Variants in MTARC1 observed in about 807,000 individuals in gnomAD.
The protein encoded by MTARC1 is mitochondrial amidoxime-reducing component 1.
In MTARC1, 24 loss-of-function variants were observed where a neutral mutation model predicts 33.6. That is an observed-to-expected ratio of 0.72 (90% confidence interval 0.52 to 1.01). The LOEUF is 1.01. Among genes scored for constraint, MTARC1 ranks in the 50% least tolerant of loss-of-function variants. The probability of loss-of-function intolerance (pLI) is 0.00; values close to 1 mark genes in which losing one functional copy is unlikely to be tolerated. For synonymous variants in MTARC1, 187 were observed against 189.5 expected (o/e 0.99, Z 0.11); for missense variants, 417 against 445.7 (o/e 0.94, Z 0.58).
At chr1:220,806,008 A>T (rs72472340) in intron 6 of MTARC1, among the ~76,000 whole-genome samples, 3 of 152,214 alleles carry the variant, frequency 2.0e-5, no homozygotes, top group African/African-American at 7.2e-5. Flanking sequence ...ACATGAGTAG[A>T]TAAAAGGCTG....
intron 4 of MTARC1, among the ~76,000 whole-genome samples, chr1:220,802,309 C>T (rs559015740): frequency 2.6e-5 from 4 of 152,076 alleles, no homozygotes; most frequent in Non-Finnish European, 5.9e-5. Context: ...GCCCCTACAC[C>T]CTCACCCCAC....
intron 6 of MTARC1, among the ~76,000 whole-genome samples, chr1:220,811,367 T>C (rs531005223): frequency 2.0e-5 from 3 of 152,250 alleles, no homozygotes; most frequent in Non-Finnish European, 2.9e-5. Flanking sequence ...AACATTATTT[T>C]TGAGTGGTTA....
In MTARC1 at chr1:220,797,972, C is replaced by T. The variant is rs1209233836; in HGVS notation, c.711C>T (p.Phe237=). 6.2e-7 allele frequency: 1 copy of T among 1,614,244 alleles called. No individual in the cohort carries two copies. Among genetic ancestry groups the T allele is most frequent in the South Asian group, 1.1e-5 (1 of 91,088 alleles). ...AGAAGAAAGTTAAAGCAACCAACTT[C>T]AGGCCCAATATTGTAATTTCAGGAT... ...RLEKKVKATN[F]RPNIVISGCD... Residue 237 remains phenylalanine, a synonymous_variant, in exon 4 of 7, where the codon TTC becomes TTT. Transcript: ENST00000366910.
chr1:220,791,427 C>G (rs910490485), intron 1 of MTARC1, 64 bp from the exon 2 acceptor site: 4 of 1,546,904 alleles, frequency 2.6e-6, no homozygotes, highest in Non-Finnish European at 3.5e-6. Flanking sequence ...CTAATTGAAG[C>G]TCCTCCAGGG....
chr1:220,800,338 G>A (rs1008698258), intron 4 of MTARC1, among the ~76,000 whole-genome samples: 1 of 152,156 alleles, frequency 6.6e-6, no homozygotes, highest in Non-Finnish European at 1.5e-5. Flanking sequence ...TGTGGCATGC[G>A]CTGTGAATAG....
intron 6 of MTARC1, among the ~76,000 whole-genome samples, chr1:220,806,363 T>G (rs908486853): frequency 1.3e-5 from 2 of 152,226 alleles, no homozygotes; most frequent in Non-Finnish European, 2.9e-5. Flanking sequence ...GGTCCTGACT[T>G]GGCCTCCCCA....
intron 6 of MTARC1, among the ~76,000 whole-genome samples, chr1:220,810,911 C>T (rs528032485): frequency 6.6e-6 from 1 of 152,166 alleles, no homozygotes; most frequent in South Asian, 2.1e-4. Context: ...TGTTACTCCC[C>T]CTGAGACTTA....
At chr1:220,808,894 G>A (rs1673046915) in intron 6 of MTARC1, 3 of 471,144 alleles carry the variant, frequency 6.4e-6, no homozygotes, top group Non-Finnish European at 1.3e-5. Context: ...CATGGTTGAA[G>A]GAATGGCTGG....
intron 6 of MTARC1, among the ~76,000 whole-genome samples, chr1:220,809,247 G>A (rs913294543): frequency 1.3e-5 from 2 of 152,126 alleles, no homozygotes; most frequent in Non-Finnish European, 2.9e-5. Context: ...ACTGGAATAA[G>A]GCAAGATATA....
chr1:220,808,478 A>G (rs984298703), intron 6 of MTARC1, among the ~76,000 whole-genome samples: 2 of 152,272 alleles, frequency 1.3e-5, no homozygotes, highest in Non-Finnish European at 2.9e-5. Context: ...ACAGGTGGTC[A>G]TAAATCGGGA....
At position 220,797,930 on chromosome 1, in the gene MTARC1, T is replaced by G; in HGVS notation, c.669T>G (p.Asp223Glu). 1 of 1,614,210 alleles carries G rather than the reference T, an allele frequency of 6.2e-7. No individual in the cohort carries two copies. Among genetic ancestry groups the G allele is most frequent in the Non-Finnish European group, 8.5e-7 (1 of 1,180,036 alleles). Residue 223 changes from aspartate to glutamate, a missense_variant, in exon 4 of 7, where the codon GAT becomes GAG. Physicochemically the swap from Asp to Glu is conservative, Grantham distance 45. Transcript: ENST00000366910. ...FLILSEASLA[D>E]LNSRLEKKVK... ...TCCTTTCTGAGGCGTCGCTGGCGGA[T>G]CTCAACTCCAGGCTAGAGAAGAAAG...
At chr1:220,804,617 A>C (rs565861129) in intron 4 of MTARC1, among the ~76,000 whole-genome samples, 48 of 152,096 alleles carry the variant, frequency 3.2e-4, no homozygotes, top group Non-Finnish European at 5.9e-4. Context: ...TCAGTGACTT[A>C]AGGCTCTTGA....
At chr1:220,798,612 T>A in intron 4 of MTARC1, 1 of 974,118 alleles carries the variant, frequency 1.0e-6, no homozygotes, top group Non-Finnish European at 1.2e-6. Flanking sequence ...TAAATGGCCT[T>A]TGGCTATTTA....
rs115745620 is a variant in MTARC1, at chr1:220,813,716, C to T, written c.*298C>T. The T allele has an allele frequency of 3.7e-3, 1,134 of 305,492 alleles. 11 individuals carry two copies. Among genetic ancestry groups the T allele is most frequent in the African/African-American group, 0.022 (1,057 of 47,180 alleles). The allele number at this position is 305,492 out of a possible 1,614,324, so 18.9% of individuals were successfully genotyped here. ...GGAATAGTTCTTTCTCCTGCTTCTC[C>T]GTTTATCTACCAAGAGCGCAGACTT... On this transcript the variant is annotated 3_prime_UTR_variant, in exon 7 of 7. Transcript: ENST00000366910.
At chr1:220,809,833 G>T (rs1157148020) in intron 6 of MTARC1, among the ~76,000 whole-genome samples, 6 of 152,188 alleles carry the variant, frequency 3.9e-5, no homozygotes, top group Admixed American at 3.9e-4. Flanking sequence ...GCAGTCATGA[G>T]GCCTCAGGAA....
chr1:220,809,803 T>C lies in MTARC1; in HGVS notation c.888-3489T>C, dbSNP rs138247019. Reference sequence around the variant, plus strand: ...GGGATTAACAATGCTGTTTAATTCTTAACCTGGCCATAGAGATAGGCAGTC... The same window carrying C: ...GGGATTAACAATGCTGTTTAATTCTCAACCTGGCCATAGAGATAGGCAGTC... On this transcript the variant is annotated intron_variant, in intron 6 of 6. Transcript: ENST00000366910. Among the ~76,000 whole-genome samples the C allele has an allele frequency of 2.0e-3, 300 of 152,352 alleles. 2 individuals carry two copies. The highest frequency in any genetic ancestry group is 5.4e-3 in the African/African-American group (223 of 41,586).
chr1:220,806,452 C>T (rs1317669950), intron 6 of MTARC1, among the ~76,000 whole-genome samples: 1 of 152,210 alleles, frequency 6.6e-6, no homozygotes, highest in African/African-American at 2.4e-5. Context: ...TGTATCCAAA[C>T]CATCATGAAC....
chr1:220,787,081 C>G lies in MTARC1; in HGVS notation c.137C>G (p.Thr46Arg). ...GAVAWRRAWP[T>R]RRRRLLQQVG... is the part of the protein sequence containing the mutation. The stretch of plus-strand genomic sequence containing the variant: ...GTCGCCTGGCGCCGCGCATGGCCCA[C>G]GCGGCGCCGGCGGCTGCTGCAGCAG... The change falls in exon 1 of 7, where the codon ACG becomes AGG. Residue 46 changes from threonine (T) to arginine (R), a missense_variant. By Grantham distance (71) the Thr-to-Arg change is moderately conservative. Coordinates refer to ENST00000366910, the MANE Select transcript of MTARC1 (RefSeq NM_022746.4). 6.7e-7 allele frequency: 1 copy of G among 1,499,946 alleles called. No homozygotes were observed. The highest frequency in any genetic ancestry group is 8.9e-7 in the Non-Finnish European group (1 of 1,128,498). The allele number at this position is 1,499,946 out of a possible 1,614,324, so 92.9% of individuals were successfully genotyped here.
In MTARC1 at chr1:220,805,187, C is replaced by G. The variant is rs776380004; in HGVS notation, c.816-16C>G. On this transcript the variant is annotated splice_polypyrimidine_tract_variant and intron_variant, in intron 5 of 6. Coordinates refer to ENST00000366910, the MANE Select transcript of MTARC1 (RefSeq NM_022746.4). ...TCTGCTCTGTCCCCCTTATGATGCT[C>G]TGTGTGTGTGTCCAGATGCATTTTA... is the stretch of plus-strand genomic sequence containing the variant. 4 of 1,613,914 alleles carry G rather than the reference C, an allele frequency of 2.5e-6. No homozygotes were observed. The highest frequency in any genetic ancestry group is 2.5e-6 in the Non-Finnish European group (3 of 1,180,024).
Sources: gnomAD v4.1 joint callset for allele counts (sites outside exome capture counted in the v4.1 genomes callset) on GRCh38, gnomAD v4.1.1 for gene constraint, MANE v1.5 for transcripts, NCBI Gene and HGNC (gene_info 2026-07-23, HGNC 2026-07-21) for gene names.